Variants in SIAH3 observed in about 807,000 individuals in gnomAD.
SIAH3 encodes seven in absentia homolog 3.
In SIAH3, 9 loss-of-function variants were observed where a neutral mutation model predicts 12.6. That is an observed-to-expected ratio of 0.72 (90% confidence interval 0.43 to 1.25). The LOEUF is 1.25. Among genes scored for constraint, SIAH3 ranks in the 50% most tolerant of loss-of-function variants. The pLI, the probability that SIAH3 is intolerant of heterozygous loss-of-function variation, is 0.00. For missense variants in SIAH3, 390 were observed against 365.4 expected, an observed-to-expected ratio of 1.07 and a Z score of -0.55; for synonymous variants, 154 against 151.1, an observed-to-expected ratio of 1.02 and a Z score of -0.14.
chr13:45,800,078 T>C (rs1311783523), intron 1 of SIAH3, among the ~76,000 whole-genome samples: 1 of 152,210 alleles, frequency 6.6e-6, no homozygotes, highest in African/African-American at 2.4e-5. Flanking sequence ...TCACAAAATA[T>C]TTAGAATAGC....
chr13:45,827,425 C>A lies in SIAH3; in HGVS notation c.135+24070G>T, dbSNP rs529530768. ...GGCTGTGATTTGTAAGAAAAACAAACCTCTACTTATTCAAACCACTGTTAT... is the reference window on the plus strand; with the variant it reads ...GGCTGTGATTTGTAAGAAAAACAAAACTCTACTTATTCAAACCACTGTTAT... On this transcript the variant is annotated intron_variant, in intron 1 of 1. Coordinates refer to ENST00000400405, the MANE Select transcript of SIAH3 (RefSeq NM_198849.3). 5.9e-5 allele frequency among the ~76,000 whole-genome samples: 9 copies of A among 152,294 alleles called. No individual in the cohort carries two copies. In the East Asian group the frequency reaches 1.3e-3, roughly 23 times the overall value.
In SIAH3 at chr13:45,778,072, G is replaced by A. The variant is rs1950490566; in HGVS notation, c.*5311C>T. 6.6e-6 allele frequency: 1 copy of A among 152,134 alleles called. No homozygotes were observed. Among genetic ancestry groups the A allele is most frequent in the South Asian group, 2.1e-4 (1 of 4,810 alleles). 9.4% of individuals were successfully genotyped at this position (152,134 alleles called of 1,614,324 possible). On this transcript the variant is annotated 3_prime_UTR_variant, in exon 2 of 2. Coordinates refer to ENST00000400405, the MANE Select transcript of SIAH3 (RefSeq NM_198849.3). ...TAGCCAAGTAGGAAAGTAAGGCCCGGGGCCCTGTTCTTCATGTGACATTCC... is the reference window on the plus strand; with the variant it reads ...TAGCCAAGTAGGAAAGTAAGGCCCGAGGCCCTGTTCTTCATGTGACATTCC...
At chr13:45,810,503 T>C (rs2137563755) in intron 1 of SIAH3, among the ~76,000 whole-genome samples, 1 of 152,304 alleles carries the variant, frequency 6.6e-6, no homozygotes, top group South Asian at 2.1e-4. Flanking sequence ...TGTTCTGGAA[T>C]TGGAGAAAAT....
chr13:45,822,110 G>A (rs911759035), intron 1 of SIAH3, among the ~76,000 whole-genome samples: 3 of 152,046 alleles, frequency 2.0e-5, no homozygotes, highest in African/African-American at 4.8e-5. Context: ...GCTCCTTGGC[G>A]CTCCCAGTCC....
At chr13:45,784,792 T>C (rs1950522354) in intron 1 of SIAH3, among the ~76,000 whole-genome samples, 2 of 152,194 alleles carry the variant, frequency 1.3e-5, no homozygotes. Context: ...CTGTTCCTCA[T>C]GGTGGCGTGC....
At chr13:45,837,107 C>T (rs997593591) in intron 1 of SIAH3, among the ~76,000 whole-genome samples, 15 of 152,202 alleles carry the variant, frequency 9.9e-5, no homozygotes, top group Non-Finnish European at 2.9e-5. Flanking sequence ...GTCTTCTCAG[C>T]TTCACATGGA....
At chr13:45,806,859 T>C (rs1169142867) in intron 1 of SIAH3, among the ~76,000 whole-genome samples, 1 of 152,058 alleles carries the variant, frequency 6.6e-6, no homozygotes, top group African/African-American at 2.4e-5. Context: ...ATCACTGAAA[T>C]CAGAAACAAA....
At chr13:45,815,746 G>A (rs1950632266) in intron 1 of SIAH3, among the ~76,000 whole-genome samples, 1 of 152,142 alleles carries the variant, frequency 6.6e-6, no homozygotes, top group Non-Finnish European at 1.5e-5. Context: ...GGCTGGGTAG[G>A]AAAATGCGAA....
At chr13:45,817,518 C>T (rs1445534645) in intron 1 of SIAH3, among the ~76,000 whole-genome samples, 2 of 152,160 alleles carry the variant, frequency 1.3e-5, no homozygotes, top group African/African-American at 4.8e-5. Context: ...GTGGAGATAT[C>T]CTGGATTCTA....
intron 1 of SIAH3, among the ~76,000 whole-genome samples, chr13:45,800,911 TGGC>T (rs779828235): frequency 6.6e-6 from 1 of 152,164 alleles, no homozygotes; most frequent in Non-Finnish European, 1.5e-5. Context: ...CGACCTCTCC[TGGC>T]GCCATGTTCA....
chr13:45,847,458 C>A (rs1243169006), intron 1 of SIAH3, among the ~76,000 whole-genome samples: 1 of 152,212 alleles, frequency 6.6e-6, no homozygotes, highest in Non-Finnish European at 1.5e-5. Flanking sequence ...CTCCCACCCT[C>A]CCCACTGCCA....
chr13:45,846,562 A>AT (rs1246635636), intron 1 of SIAH3, among the ~76,000 whole-genome samples: 1 of 151,920 alleles, frequency 6.6e-6, no homozygotes, highest in Non-Finnish European at 1.5e-5. Context: ...CAGACAGTTA[A>AT]TTTTTTTTCT....
chr13:45,791,684 A>G (rs1402999348), intron 1 of SIAH3, among the ~76,000 whole-genome samples: 2 of 152,214 alleles, frequency 1.3e-5, no homozygotes, highest in Non-Finnish European at 1.5e-5. Context: ...TTTGAAGAAG[A>G]AATTTCTCCT....
At chr13:45,834,279 A>G (rs1950710359) in intron 1 of SIAH3, among the ~76,000 whole-genome samples, 1 of 152,200 alleles carries the variant, frequency 6.6e-6, no homozygotes, top group African/African-American at 2.4e-5. Context: ...GACACTTTAC[A>G]ATGTTTTCAT....
At chr13:45,810,385 C>T (rs537820678) in intron 1 of SIAH3, among the ~76,000 whole-genome samples, 2 of 152,346 alleles carry the variant, frequency 1.3e-5, no homozygotes, top group Non-Finnish European at 2.9e-5. Context: ...TGTCAGGCCG[C>T]TATAGTGCTG....
At chr13:45,793,981 T>A (rs1338715673) in intron 1 of SIAH3, among the ~76,000 whole-genome samples, 2 of 151,846 alleles carry the variant, frequency 1.3e-5, no homozygotes, top group African/African-American at 4.8e-5. Context: ...AAGATGGAGG[T>A]AGAGATTGGA....
rs767972496 is a variant in SIAH3, at chr13:45,783,033, T to C, written c.*350A>G. ...CGAAGCCTCCTTTCAACCCCAACAG[T>C]CTGCTTGATGGTGTTTTGATCCTTT... On this transcript the variant is annotated 3_prime_UTR_variant, in exon 2 of 2. Transcript: ENST00000400405. The C allele has an allele frequency of 5.7e-5, 9 of 158,776 alleles. No individual in the cohort carries two copies. The highest frequency in any genetic ancestry group is 9.6e-5 in the Non-Finnish European group (7 of 72,670). 9.8% of individuals were successfully genotyped at this position (158,776 alleles called of 1,614,324 possible). A position where few individuals can be genotyped will look rare whatever the true frequency, so the allele number is the denominator to read the frequency against.
intron 1 of SIAH3, among the ~76,000 whole-genome samples, chr13:45,849,560 G>T (rs1950772316): frequency 6.6e-6 from 1 of 152,168 alleles, no homozygotes; most frequent in Non-Finnish European, 1.5e-5. Flanking sequence ...AAAAGGTGAG[G>T]AAGGGAAGTC....
chr13:45,843,034 C>CTGTGTGTGTGTGTGTGTGTGTGTG lies in SIAH3; in HGVS notation c.135+8437_135+8460dup, dbSNP rs55772614. On this transcript the variant is annotated intron_variant, in intron 1 of 1. Coordinates refer to ENST00000400405, the MANE Select transcript of SIAH3 (RefSeq NM_198849.3). ...TGCCATTATTTCTCTCTCTCTCTCTCTGTGTGTGTGTGTGTGTGTGTGTGT... is the reference window on the plus strand; with the variant it reads ...TGCCATTATTTCTCTCTCTCTCTCTCTGTGTGTGTGTGTGTGTGTGTGTGTGTGTGTGTGTGTGTGTGTGTGTGT... Among the ~76,000 whole-genome samples, 506 of 139,236 alleles carry CTGTGTGTGTGTGTGTGTGTGTGTG rather than the reference C, an allele frequency of 3.6e-3. 3 individuals carry two copies. Among genetic ancestry groups the CTGTGTGTGTGTGTGTGTGTGTGTG allele is most frequent in the East Asian group, 0.023 (97 of 4,280 alleles). The allele number at this position is 139,236 out of a possible 152,430, so 91.3% of individuals were successfully genotyped here. A position where few individuals can be genotyped will look rare whatever the true frequency, so the allele number is the denominator to read the frequency against.
Sources: allele counts gnomAD v4.1 joint callset (sites outside exome capture counted in the v4.1 genomes callset), GRCh38; gene constraint gnomAD v4.1.1; transcripts MANE v1.5; gene names NCBI Gene and HGNC (gene_info 2026-07-23, HGNC 2026-07-21).